Variants in PSPC1 observed in about 807,000 individuals in gnomAD.
PSPC1 encodes the protein paraspeckle protein 1.
PSPC1 carries 14 observed loss-of-function variants against 51.6 expected under a neutral mutation model. The observed-to-expected ratio is 0.27, with a 90% CI of 0.18 to 0.42. The LOEUF (loss-of-function observed/expected upper bound fraction) is 0.42. Ranked by LOEUF, PSPC1 falls within the 10% of genes least tolerant of loss-of-function variation. The probability of loss-of-function intolerance (pLI) is 1.00; values close to 1 mark genes in which losing one functional copy is unlikely to be tolerated. For missense variants in PSPC1, 406 were observed against 701.1 expected (o/e 0.58, Z 4.75); for synonymous variants, 193 against 231.9 (o/e 0.83, Z 1.53).
intron 6 of PSPC1, among the ~76,000 whole-genome samples, chr13:19,729,160 TTAAG>T (rs1234774035): frequency 3.9e-5 from 6 of 152,140 alleles, no homozygotes; most frequent in Non-Finnish European, 5.9e-5. Context: ...GATACATACT[TTAAG>T]TAACTACTAG....
At chr13:19,714,076 G>T (rs1462787251) in intron 6 of PSPC1, among the ~76,000 whole-genome samples, 1 of 152,158 alleles carries the variant, frequency 6.6e-6, no homozygotes, top group African/African-American at 2.4e-5. Flanking sequence ...ATACCTGGAG[G>T]AAGCAGTCAA....
Position 19,708,821 on chromosome 13 carries a change from A to G in PSPC1, c.1216+721T>C, listed in dbSNP as rs1407321801. 3.3e-5 allele frequency among the ~76,000 whole-genome samples: 5 copies of G among 152,204 alleles called. 1 individual carries two copies. The highest frequency in any genetic ancestry group is 2.0e-4 in the Admixed American group (3 of 15,280). On this transcript the variant is annotated intron_variant, in intron 7 of 8. Coordinates refer to ENST00000338910, the MANE Select transcript of PSPC1 (RefSeq NM_001354909.2). ...TGTATAAAACGCTCTCCACCTAAAAACACAACTCAGAAACTATCAATTTCC... is the reference window on the plus strand; with the variant it reads ...TGTATAAAACGCTCTCCACCTAAAAGCACAACTCAGAAACTATCAATTTCC...
intron 1 of PSPC1, among the ~76,000 whole-genome samples, chr13:19,780,250 G>A (rs1172825119): frequency 2.1e-5 from 3 of 140,508 alleles, no homozygotes; most frequent in Non-Finnish European, 4.7e-5. Context: ...GCCTCTGCCC[G>A]GCCGCCCCTA....
At chr13:19,744,508 T>C (rs947647871) in intron 4 of PSPC1, among the ~76,000 whole-genome samples, 3 of 152,196 alleles carry the variant, frequency 2.0e-5, no homozygotes, top group African/African-American at 7.2e-5. Context: ...GCCATGATAA[T>C]ATCTTTCTAG....
intron 6 of PSPC1, among the ~76,000 whole-genome samples, chr13:19,712,509 T>C (rs1190855734): frequency 3.9e-5 from 6 of 152,166 alleles, no homozygotes; most frequent in Non-Finnish European, 7.4e-5. Flanking sequence ...ATTAAATCCA[T>C]TGTCATTAAG....
At chr13:19,771,638 T>G (rs917577834) in intron 2 of PSPC1, among the ~76,000 whole-genome samples, 5 of 151,802 alleles carry the variant, frequency 3.3e-5, no homozygotes, top group African/African-American at 4.8e-5. Context: ...GTTTTGTTTT[T>G]TTTTTTGAGA....
At position 19,765,347 on chromosome 13, in the gene PSPC1, T is replaced by A. The variant is rs190293207; in HGVS notation, c.675-5929A>T. Among the ~76,000 whole-genome samples the A allele has an allele frequency of 6.1e-3, 846 of 139,000 alleles. 3 individuals are homozygous for A. The highest frequency in any genetic ancestry group is 0.025 in the East Asian group (122 of 4,814). The allele number at this position is 139,000 out of a possible 152,430, so 91.2% of individuals were successfully genotyped here. A position where few individuals can be genotyped will look rare whatever the true frequency, so the allele number is the denominator to read the frequency against. On this transcript the variant is annotated intron_variant, in intron 2 of 8. Transcript: ENST00000338910. ...CAAAAATAATAATAATAATAATAATTATTATTATTATTATTATTACCAGGA... is the reference window on the plus strand; with the variant it reads ...CAAAAATAATAATAATAATAATAATAATTATTATTATTATTATTACCAGGA...
At chr13:19,736,575 C>T (rs1162465345) in intron 5 of PSPC1, among the ~76,000 whole-genome samples, 1 of 152,058 alleles carries the variant, frequency 6.6e-6, no homozygotes, top group Non-Finnish European at 1.5e-5. Context: ...CCTAGCTACT[C>T]CGGAGGCTGA....
At chr13:19,752,492 G>A (rs1383756192) in intron 3 of PSPC1, among the ~76,000 whole-genome samples, 1 of 151,934 alleles carries the variant, frequency 6.6e-6, no homozygotes, top group African/African-American at 2.4e-5. Context: ...CTGGCCTCAA[G>A]TAATACTCAT....
intron 7 of PSPC1, among the ~76,000 whole-genome samples, chr13:19,676,377 G>A (rs987864195): frequency 2.0e-5 from 3 of 152,176 alleles, no homozygotes; most frequent in Non-Finnish European, 4.4e-5. Context: ...GATGCTGCTG[G>A]TCTAGGCCTG....
intron 4 of PSPC1, among the ~76,000 whole-genome samples, chr13:19,749,766 G>C (rs1886352580): frequency 6.6e-6 from 1 of 151,438 alleles, no homozygotes; most frequent in African/African-American, 2.4e-5. Context: ...CAAGTAGCTG[G>C]GATTACAGGC....
chr13:19,699,373 T>C (rs148066326), downstream of PSPC1: 106 of 151,896 alleles, frequency 7.0e-4, 1 homozygote, highest in African/African-American at 2.5e-3. Flanking sequence ...AACTGATGGA[T>C]ACTCACTTAG....
At chr13:19,764,822 C>G (rs1412453352) in intron 2 of PSPC1, among the ~76,000 whole-genome samples, 1 of 152,052 alleles carries the variant, frequency 6.6e-6, no homozygotes, top group East Asian at 1.9e-4. Context: ...CAGCCTCGAC[C>G]TACAAGGCTC....
intron 2 of PSPC1, among the ~76,000 whole-genome samples, chr13:19,768,695 A>T (rs1163468726): frequency 6.6e-6 from 1 of 151,120 alleles, no homozygotes; most frequent in Non-Finnish European, 1.5e-5. Context: ...ATCTAAAAAA[A>T]TGGACAAAAA....
chr13:19,761,218 C>T (rs1887580249), intron 2 of PSPC1, among the ~76,000 whole-genome samples: 1 of 151,910 alleles, frequency 6.6e-6, no homozygotes, highest in Non-Finnish European at 1.5e-5. Context: ...ACCAGACATT[C>T]AAGGAGAAAA....
At chr13:19,737,348 G>C (rs1307458437) in intron 5 of PSPC1, 1 of 152,140 alleles carries the variant, frequency 6.6e-6, no homozygotes, top group Admixed American at 6.6e-5. Context: ...GTCTGTAACA[G>C]TTCAGTCTTT....
At chr13:19,684,034 G>C (rs1877577815) in intron 6 of PSPC1, among the ~76,000 whole-genome samples, 1 of 152,126 alleles carries the variant, frequency 6.6e-6, no homozygotes, top group South Asian at 2.1e-4. Flanking sequence ...AGAAAAGCTT[G>C]GAATGGATCT....
downstream of PSPC1, chr13:19,671,960 C>T: frequency 7.1e-7 from 1 of 1,404,532 alleles, no homozygotes; most frequent in South Asian, 1.2e-5. Flanking sequence ...TCTAGCACAT[C>T]TATGTAAAGT....
At chr13:19,729,866 T>A (rs1165586153) in intron 6 of PSPC1, among the ~76,000 whole-genome samples, 1 of 152,188 alleles carries the variant, frequency 6.6e-6, no homozygotes, top group Non-Finnish European at 1.5e-5. Context: ...TTATAAGTGT[T>A]CACTACAATT....
Sources: allele counts gnomAD v4.1 joint callset (sites outside exome capture counted in the v4.1 genomes callset), GRCh38; gene constraint gnomAD v4.1.1; transcripts MANE v1.5; gene names NCBI Gene and HGNC (gene_info 2026-07-23, HGNC 2026-07-21).